ATP9B: variants seen among roughly 807,000 people sequenced by gnomAD.
The protein encoded by ATP9B is probable phospholipid-transporting ATPase IIB.
ATP9B carries 110 observed loss-of-function variants against 146.1 expected under a neutral mutation model. That is an observed-to-expected ratio of 0.75 (90% CI 0.65 to 0.88). ATP9B has a LOEUF of 0.88. Among genes scored for constraint, ATP9B ranks in the 40% least tolerant of loss-of-function variants. The pLI is 0.00. For missense variants in ATP9B, 1,499 were observed against 1,496.4 expected (o/e 1.00, Z -0.03); for synonymous variants, 604 against 569.7 (o/e 1.06, Z -0.86).
Position 79,342,438 on chromosome 18 carries a change from CAG to C in ATP9B, c.2382+74_2382+75del, listed in dbSNP as rs1298305926. 3 of 1,032,164 alleles carry C rather than the reference CAG, an allele frequency of 2.9e-6. No homozygotes were observed. In the African/African-American group the frequency reaches 4.8e-5, roughly 17 times the overall value. The allele number at this position is 1,032,164 out of a possible 1,614,324, so 63.9% of individuals were successfully genotyped here. A position where few individuals can be genotyped will look rare whatever the true frequency, so the allele number is the denominator to read the frequency against. On this transcript the variant is annotated intron_variant, in intron 20 of 29. Transcript: ENST00000426216. ...CACAAACGAAGCCTATTGTTTTTGT[CAG>C]AATATATATTTATTAATCACTAAAT...
intron 12 of ATP9B, among the ~76,000 whole-genome samples, chr18:79,267,962 G>A (rs1479751492): frequency 6.6e-6 from 1 of 151,926 alleles, no homozygotes; most frequent in East Asian, 1.9e-4. Flanking sequence ...TCATTATTGT[G>A]ACTTTGTCTA....
chr18:79,216,691 T>C (rs779175562), intron 11 of ATP9B, among the ~76,000 whole-genome samples: 11 of 152,196 alleles, frequency 7.2e-5, no homozygotes, highest in Non-Finnish European at 1.5e-4. Context: ...CTTCTCTCCC[T>C]CTTCTTTTCT....
chr18:79,269,894 G>C (rs569486268), intron 12 of ATP9B, among the ~76,000 whole-genome samples: 1 of 152,356 alleles, frequency 6.6e-6, no homozygotes, highest in African/African-American at 2.4e-5. Context: ...GCGCATCCTT[G>C]CCTCCATAGT....
At chr18:79,151,237 A>G (rs925726880) in intron 6 of ATP9B, among the ~76,000 whole-genome samples, 1 of 152,268 alleles carries the variant, frequency 6.6e-6, no homozygotes, top group Non-Finnish European at 1.5e-5. Flanking sequence ...AACTAGCATT[A>G]CATTGAGAAT....
intron 15 of ATP9B, among the ~76,000 whole-genome samples, chr18:79,320,549 C>T (rs561081093): frequency 6.6e-6 from 1 of 152,346 alleles, no homozygotes; most frequent in Non-Finnish European, 1.5e-5. Flanking sequence ...GAGCTAGCTG[C>T]CGTCAGTCTC....
intron 4 of ATP9B, among the ~76,000 whole-genome samples, chr18:79,123,673 T>G (rs1432752442): frequency 1.3e-5 from 2 of 152,164 alleles, no homozygotes; most frequent in African/African-American, 4.8e-5. Flanking sequence ...ATTCCCAAAC[T>G]TATTACAAAC....
intron 15 of ATP9B, among the ~76,000 whole-genome samples, chr18:79,311,274 A>G (rs2096651032): frequency 6.6e-6 from 1 of 152,222 alleles, no homozygotes; most frequent in Admixed American, 6.5e-5. Context: ...ACTTACTTTT[A>G]GGACTTGAGG....
intron 11 of ATP9B, among the ~76,000 whole-genome samples, chr18:79,238,934 G>A (rs989804669): frequency 2.0e-5 from 3 of 152,236 alleles, no homozygotes; most frequent in Admixed American, 2.0e-4. Context: ...AACCAAGTCA[G>A]GTCAAAGGAG....
At chr18:79,271,503 T>C (rs2096254454) in intron 12 of ATP9B, among the ~76,000 whole-genome samples, 1 of 151,822 alleles carries the variant, frequency 6.6e-6, no homozygotes, top group Non-Finnish European at 1.5e-5. Flanking sequence ...GTTTTTTGTC[T>C]TTGTGATAGT....
chr18:79,241,285 C>G (rs559158780), intron 11 of ATP9B, among the ~76,000 whole-genome samples: 3 of 152,220 alleles, frequency 2.0e-5, no homozygotes, highest in Non-Finnish European at 4.4e-5. Context: ...AATTCCGCAG[C>G]CTTTCCATTC....
chr18:79,197,735 C>T (rs1161652611), intron 9 of ATP9B, among the ~76,000 whole-genome samples: 1 of 152,084 alleles, frequency 6.6e-6, no homozygotes, highest in East Asian at 1.9e-4. Context: ...AACCCAATAC[C>T]AGGTGTGACA....
rs528298733 is a variant in ATP9B, at chr18:79,182,501, G to A, written c.873+5594G>A. Among the ~76,000 whole-genome samples, 10 of 152,232 alleles carry A rather than the reference G, an allele frequency of 6.6e-5. No individual in the cohort carries two copies. The East Asian group carries it at 1.7e-3, about 26-fold the overall frequency. On this transcript the variant is annotated intron_variant, in intron 8 of 29. Transcript: ENST00000426216. ...TGCCTCCCTCTGCCTGGCTTCTGCT[G>A]TCTAAAGTGGTAAATCTCTTTACCT...
chr18:79,306,241 T>C (rs2061645477), intron 14 of ATP9B, among the ~76,000 whole-genome samples: 1 of 152,230 alleles, frequency 6.6e-6, no homozygotes, highest in Non-Finnish European at 1.5e-5. Context: ...ACGTTTGACA[T>C]CCTGTTGGGG....
At chr18:79,314,624 C>A (rs1222216245) in intron 15 of ATP9B, among the ~76,000 whole-genome samples, 1 of 152,174 alleles carries the variant, frequency 6.6e-6, no homozygotes, top group East Asian at 1.9e-4. Flanking sequence ...CCTACTTATG[C>A]CCCGGTCATT....
At chr18:79,300,296 T>C (rs555595725) in intron 13 of ATP9B, among the ~76,000 whole-genome samples, 96 of 152,014 alleles carry the variant, frequency 6.3e-4, no homozygotes, top group African/African-American at 2.0e-3. Flanking sequence ...GTAGCTCTCG[T>C]TTATTTAGGA....
At chr18:79,310,261 G>A (rs1198040892) in intron 15 of ATP9B, among the ~76,000 whole-genome samples, 1 of 152,248 alleles carries the variant, frequency 6.6e-6, no homozygotes, top group African/African-American at 2.4e-5. Context: ...ATCATGCACA[G>A]TACGGGGCTT....
Position 79,328,071 on chromosome 18 carries a change from CGTGGTTAGCGTGCTCTCT to C in ATP9B, c.1774-1034_1774-1017del, listed in dbSNP as rs1568703032. ...TGCTCTCTCTGGTTAGCGTGCTCTC[CGTGGTTAGCGTGCTCTCT>C]GTGGTTAGCGTGCTCTCTGTGGTTA... On this transcript the variant is annotated intron_variant, in intron 15 of 29. Transcript: ENST00000426216. 2.1e-4 allele frequency among the ~76,000 whole-genome samples: 29 copies of C among 135,754 alleles called. 1 individual carries two copies. The highest frequency in any genetic ancestry group is 5.6e-4 in the African/African-American group (19 of 34,040). The allele number at this position is 135,754 out of a possible 152,430, so 89.1% of individuals were successfully genotyped here. A position where few individuals can be genotyped will look rare whatever the true frequency, so the allele number is the denominator to read the frequency against.
At chr18:79,347,950 C>G (rs1248714070) in intron 24 of ATP9B, 25 bp downstream of exon 24, 1 of 1,609,538 alleles carries the variant, frequency 6.2e-7, no homozygotes, top group African/African-American at 1.3e-5. Context: ...GTGCTGGCAC[C>G]CATGGAGGGC....
rs2095876314 is a variant in ATP9B, at chr18:79,240,292, A to G, written c.1108-13089A>G. On this transcript the variant is annotated intron_variant, in intron 11 of 29. Transcript: ENST00000426216. ...TGAGCAGGAAGTTTTATCACATCCA[A>G]ATGAAAATGGTAGAAGAAAAAAATT... Among the ~76,000 whole-genome samples the G allele has an allele frequency of 2.0e-5, 3 of 152,356 alleles. No individual in the cohort carries two copies. In the South Asian group the frequency reaches 6.2e-4, roughly 32 times the overall value.
Sources: gnomAD v4.1 joint callset for allele counts (sites outside exome capture counted in the v4.1 genomes callset) on GRCh38, gnomAD v4.1.1 for gene constraint, MANE v1.5 for transcripts, NCBI Gene and HGNC (gene_info 2026-07-23, HGNC 2026-07-21) for gene names.